DOCK3: variants seen among roughly 807,000 people sequenced by gnomAD.
DOCK3 encodes the protein dedicator of cytokinesis 3.
A neutral mutation model predicts 265.6 loss-of-function variants in DOCK3; 60 were observed. That is an observed-to-expected ratio of 0.23 (90% CI 0.18 to 0.28). The LOEUF (loss-of-function observed/expected upper bound fraction) is 0.28, where lower values mean the gene tolerates loss of function less well. DOCK3 is among the 10% of genes least tolerant of loss of function. The pLI is 1.00. For synonymous variants in DOCK3, 881 were observed against 938.0 expected (o/e 0.94, Z 1.11); for missense variants, 1,981 against 2,594.3 (o/e 0.76, Z 5.14).
chr3:51,229,182 G>A lies in DOCK3; in HGVS notation c.1820-330G>A, dbSNP rs374833769. Among the ~76,000 whole-genome samples the A allele has an allele frequency of 4.6e-5, 7 of 152,296 alleles. No individual in the cohort carries two copies. The South Asian group carries it at 1.4e-3, about 32-fold the overall frequency. ...TAGCCAGGGTTTGGCCATGTGCGGT[G>A]GCTCATGCCTGTAATCCCAGCACTT... On this transcript the variant is annotated intron_variant, in intron 18 of 52. Coordinates refer to ENST00000266037, the MANE Select transcript of DOCK3 (RefSeq NM_004947.5).
intron 4 of DOCK3, among the ~76,000 whole-genome samples, chr3:50,923,313 T>A (rs189421523): frequency 6.6e-6 from 1 of 152,346 alleles, no homozygotes; most frequent in East Asian, 1.9e-4. Flanking sequence ...TCAATGGTAG[T>A]TCTACTTTTA....
chr3:51,079,263 A>T (rs185330782), intron 7 of DOCK3, among the ~76,000 whole-genome samples: 1 of 152,250 alleles, frequency 6.6e-6, no homozygotes, highest in East Asian at 1.9e-4. Context: ...CAAATGTTGA[A>T]TGATAATGAT....
intron 5 of DOCK3, among the ~76,000 whole-genome samples, chr3:50,975,819 A>G (rs1218688450): frequency 6.6e-6 from 1 of 151,282 alleles, no homozygotes; most frequent in Middle Eastern, 3.2e-3. Context: ...ACAATTTCAG[A>G]TCCTGTTATT....
At chr3:51,194,926 G>A (rs141275381) in intron 12 of DOCK3, among the ~76,000 whole-genome samples, 117 of 149,728 alleles carry the variant, frequency 7.8e-4, no homozygotes, top group Non-Finnish European at 1.0e-4. Flanking sequence ...CCGAGTTCAA[G>A]TGATTCTCTT....
chr3:51,096,420 A>G (rs1445809674), intron 9 of DOCK3, among the ~76,000 whole-genome samples: 1 of 150,880 alleles, frequency 6.6e-6, no homozygotes, highest in Non-Finnish European at 1.5e-5. Flanking sequence ...CCTTTCTTCC[A>G]CTTGATCAAT....
intron 3 of DOCK3, among the ~76,000 whole-genome samples, chr3:50,856,595 T>A (rs1323302846): frequency 6.6e-6 from 1 of 152,244 alleles, no homozygotes; most frequent in East Asian, 1.9e-4. Context: ...ATTAGACCTT[T>A]TGTCAGATGG....
At chr3:50,929,365 G>A (rs1444037198) in intron 4 of DOCK3, among the ~76,000 whole-genome samples, 1 of 152,164 alleles carries the variant, frequency 6.6e-6, no homozygotes, top group African/African-American at 2.4e-5. Context: ...CTTGGCTGAA[G>A]TGGGGAGGGG....
intron 1 of DOCK3, among the ~76,000 whole-genome samples, chr3:50,687,108 G>A (rs1196089617): frequency 6.6e-6 from 1 of 151,542 alleles, no homozygotes; most frequent in Non-Finnish European, 1.5e-5. Context: ...TACTCGGGAG[G>A]CTGAGGCTGA....
At chr3:51,219,232 G>A (rs984123979) in intron 14 of DOCK3, among the ~76,000 whole-genome samples, 2 of 152,112 alleles carry the variant, frequency 1.3e-5, no homozygotes, top group African/African-American at 4.8e-5. Flanking sequence ...GTTTTTCTCT[G>A]TGCTGTCCCT....
chr3:50,933,450 T>G (rs975888123), intron 4 of DOCK3, among the ~76,000 whole-genome samples: 1 of 152,200 alleles, frequency 6.6e-6, no homozygotes, highest in East Asian at 1.9e-4. Context: ...TCTACCAGAC[T>G]TAGAATTCCT....
chr3:50,716,472 G>A (rs2037119297), intron 1 of DOCK3, among the ~76,000 whole-genome samples: 2 of 151,968 alleles, frequency 1.3e-5, no homozygotes, highest in Admixed American at 1.3e-4. Context: ...AGCTTGCAGT[G>A]AGCGGAGATC....
chr3:51,226,427 G>A (rs1258512609), intron 15 of DOCK3, among the ~76,000 whole-genome samples: 2 of 152,214 alleles, frequency 1.3e-5, no homozygotes, highest in Admixed American at 1.3e-4. Context: ...TTGCTTCTGT[G>A]TGTTGGCAGC....
intron 2 of DOCK3, among the ~76,000 whole-genome samples, chr3:50,799,642 G>A (rs1250006497): frequency 6.6e-6 from 1 of 152,128 alleles, no homozygotes; most frequent in Admixed American, 6.5e-5. Flanking sequence ...ATAAGATCAT[G>A]TCATCTGCAA....
chr3:51,083,691 A>C (rs2082319467), intron 7 of DOCK3, among the ~76,000 whole-genome samples: 1 of 152,186 alleles, frequency 6.6e-6, no homozygotes, highest in Non-Finnish European at 1.5e-5. Flanking sequence ...AAGCAAAAGA[A>C]AGACTTTCTG....
chr3:50,922,813 G>C (rs1208632902), intron 4 of DOCK3, among the ~76,000 whole-genome samples: 2 of 150,022 alleles, frequency 1.3e-5, no homozygotes, highest in Non-Finnish European at 3.0e-5. Flanking sequence ...GTGGGGTTTG[G>C]TTACATAAGA....
intron 21 of DOCK3, among the ~76,000 whole-genome samples, chr3:51,242,926 C>T (rs138798225): frequency 1.5e-4 from 23 of 152,250 alleles, no homozygotes; most frequent in African/African-American, 5.1e-4. Flanking sequence ...CAGGCTAGTG[C>T]GTGGCATAGG....
Position 51,225,640 on chromosome 3 carries a change from TC to T in DOCK3, c.1253-5del, listed in dbSNP as rs750373357. ...GAGTCATAAGGATGTGGCATTTCTT[TC>T]CCCGCAGGTGATATCCGCAATGACC... On this transcript the variant is annotated splice_region_variant and splice_polypyrimidine_tract_variant and intron_variant, in intron 14 of 52. Transcript: ENST00000266037. 25 of 1,607,596 alleles carry T rather than the reference TC, an allele frequency of 1.6e-5. 1 individual carries two copies. The South Asian group carries it at 2.8e-4, about 18-fold the overall frequency.
intron 7 of DOCK3, among the ~76,000 whole-genome samples, chr3:51,075,654 T>C (rs546344701): frequency 6.6e-6 from 1 of 152,344 alleles, no homozygotes; most frequent in East Asian, 1.9e-4. Flanking sequence ...CCAAATTATC[T>C]AGGCATTACT....
intron 12 of DOCK3, among the ~76,000 whole-genome samples, chr3:51,190,213 C>A (rs2087863628): frequency 6.6e-6 from 1 of 152,178 alleles, no homozygotes; most frequent in African/African-American, 2.4e-5. Context: ...GAGTAAGAGT[C>A]CCTTAGAGCT....
Sources: allele counts gnomAD v4.1 joint callset (sites outside exome capture counted in the v4.1 genomes callset), GRCh38; gene constraint gnomAD v4.1.1; transcripts MANE v1.5; gene names NCBI Gene and HGNC (gene_info 2026-07-23, HGNC 2026-07-21).